The following SGCD variants were observed in gnomAD, a reference collection of about 807,000 sequenced individuals.
SGCD encodes delta-sarcoglycan.
Under a neutral mutation model 36.6 loss-of-function variants are expected in SGCD, and 18 were observed. The ratio of observed to expected loss-of-function variants is 0.49; its 90% CI spans 0.34 to 0.73. The LOEUF is 0.73. SGCD is among the 30% of genes least tolerant of loss of function. SGCD has a pLI of 0.01. For missense variants in SGCD, 387 were observed against 346.7 expected (o/e 1.12, Z -0.92); for synonymous variants, 133 against 130.6 (o/e 1.02, Z -0.12).
chr5:156,250,176 C>A (rs747835716), intron 3 of SGCD, among the ~76,000 whole-genome samples: 1 of 152,026 alleles, frequency 6.6e-6, no homozygotes, highest in African/African-American at 2.4e-5. Flanking sequence ...TCTTTTTTGT[C>A]ATTTACTATG....
chr5:155,961,085 C>A (rs1387521889), intron 1 of SGCD, among the ~76,000 whole-genome samples: 3 of 152,038 alleles, frequency 2.0e-5, no homozygotes, highest in Non-Finnish European at 4.4e-5. Flanking sequence ...TCTTGGTTTT[C>A]CTCACTGAAG....
chr5:156,301,850 T>G (rs77309031), intron 3 of SGCD, among the ~76,000 whole-genome samples: 4,662 of 151,964 alleles, frequency 0.031, 103 homozygotes, highest in Non-Finnish European at 0.041. Context: ...TTCTGGCCTG[T>G]AAGGTTTTCA....
intron 3 of SGCD, among the ~76,000 whole-genome samples, chr5:156,233,033 C>T (rs1765060573): frequency 2.0e-5 from 3 of 152,068 alleles, no homozygotes; most frequent in Admixed American, 1.3e-4. Context: ...CATAGTTTTC[C>T]CTTTTTAAAG....
At chr5:155,837,162 A>G in the SGCD span, among the ~76,000 whole-genome samples, 1 of 151,816 alleles carries the variant, frequency 6.6e-6, no homozygotes, top group Admixed American at 6.6e-5. Flanking sequence ...TTTATTATTT[A>G]TTTATTTATT....
intron 6 of SGCD, among the ~76,000 whole-genome samples, chr5:156,605,080 A>G (rs1761373300): frequency 6.6e-6 from 1 of 151,708 alleles, no homozygotes; most frequent in African/African-American, 2.4e-5. Context: ...TTTAAGTTTT[A>G]GGGTACATGT....
At chr5:155,794,088 T>C in the SGCD span, among the ~76,000 whole-genome samples, 2 of 152,128 alleles carry the variant, frequency 1.3e-5, no homozygotes, top group Non-Finnish European at 2.9e-5. Context: ...AGAGTAGATG[T>C]TCAGCTGAAA....
chr5:156,657,411 A>G (rs867107707), intron 7 of SGCD, among the ~76,000 whole-genome samples: 14 of 84,628 alleles, frequency 1.7e-4, no homozygotes, highest in African/African-American at 5.7e-4. Context: ...CCCACCCCAC[A>G]GTAGTCCCCG....
intron 1 of SGCD, among the ~76,000 whole-genome samples, chr5:155,879,440 C>A: frequency 6.6e-6 from 1 of 152,086 alleles, no homozygotes. Flanking sequence ...TGAAAACGTT[C>A]TTGACAACTT....
chr5:156,362,440 G>A (rs558903972), intron 3 of SGCD, among the ~76,000 whole-genome samples: 1 of 152,318 alleles, frequency 6.6e-6, no homozygotes, highest in Admixed American at 6.5e-5. Context: ...GAGGTCAAGA[G>A]ACTGAAACCA....
At chr5:156,417,364 A>G (rs946608789) in intron 3 of SGCD, among the ~76,000 whole-genome samples, 1 of 152,180 alleles carries the variant, frequency 6.6e-6, no homozygotes, top group Non-Finnish European at 1.5e-5. Context: ...GCAAAATACT[A>G]TATCGGTGTT....
intron 6 of SGCD, among the ~76,000 whole-genome samples, chr5:156,632,731 T>G (rs1762682456): frequency 6.6e-6 from 1 of 152,212 alleles, no homozygotes; most frequent in Admixed American, 6.5e-5. Flanking sequence ...CTTCATTCAC[T>G]GAAGAACTGC....
the SGCD span, among the ~76,000 whole-genome samples, chr5:155,767,294 C>T: frequency 2.0e-5 from 3 of 152,192 alleles, no homozygotes; most frequent in African/African-American, 7.2e-5. Context: ...GAAGACATGT[C>T]AGTTGCCTGA....
intron 3 of SGCD, among the ~76,000 whole-genome samples, chr5:156,155,008 A>T (rs1762919317): frequency 6.6e-6 from 1 of 151,634 alleles, no homozygotes; most frequent in South Asian, 2.1e-4. Context: ...AAAATAGGTC[A>T]GGTTTGCATT....
intron 4 of SGCD, among the ~76,000 whole-genome samples, chr5:156,558,069 T>G (rs567231367): frequency 8.1e-6 from 1 of 123,062 alleles, no homozygotes; most frequent in African/African-American, 3.1e-5. Context: ...ATAGACTGAG[T>G]GTGTTATTAG....
chr5:156,185,309 G>A (rs907520744), intron 3 of SGCD, among the ~76,000 whole-genome samples: 1 of 150,224 alleles, frequency 6.7e-6, no homozygotes, highest in African/African-American at 2.4e-5. Flanking sequence ...CCGCCTCCCG[G>A]GTTCACACCA....
chr5:156,375,436 C>T, intron 3 of SGCD, among the ~76,000 whole-genome samples: 1 of 135,492 alleles, frequency 7.4e-6, no homozygotes, highest in Admixed American at 8.1e-5. Flanking sequence ...CTTGTTGAAG[C>T]ATTAATGGTG....
chr5:155,972,209 A>T (rs1758019248), intron 1 of SGCD, among the ~76,000 whole-genome samples: 1 of 152,192 alleles, frequency 6.6e-6, no homozygotes, highest in South Asian at 2.1e-4. Context: ...CGAAAAGTCA[A>T]ACAGTACAGA....
intron 3 of SGCD, among the ~76,000 whole-genome samples, chr5:156,392,582 A>G (rs1771636959): frequency 6.6e-6 from 1 of 152,204 alleles, no homozygotes; most frequent in Admixed American, 6.5e-5. Context: ...TGTTAGCTCA[A>G]TTAGACCTCT....
chr5:155,922,919 A>G (rs1459879785), intron 1 of SGCD, among the ~76,000 whole-genome samples: 2 of 152,208 alleles, frequency 1.3e-5, no homozygotes, highest in African/African-American at 2.4e-5. Flanking sequence ...CCAGTGCTCC[A>G]ATGGGTAATG....
Sources: gnomAD v4.1 joint callset for allele counts (sites outside exome capture counted in the v4.1 genomes callset) on GRCh38, gnomAD v4.1.1 for gene constraint, MANE v1.5 for transcripts, NCBI Gene and HGNC (gene_info 2026-07-23, HGNC 2026-07-21) for gene names.